Variants in TJP1 observed in about 807,000 individuals in gnomAD.
TJP1 encodes the protein tight junction protein 1, also known as tight junction protein ZO-1.
Under a neutral mutation model 194.2 loss-of-function variants are expected in TJP1, and 43 were observed. The observed-to-expected ratio is 0.22, with a 90% confidence interval of 0.17 to 0.29. The LOEUF (loss-of-function observed/expected upper bound fraction) is 0.29. Ranked by LOEUF, TJP1 falls within the 10% of genes least tolerant of loss-of-function variation. The pLI, the probability that TJP1 is intolerant of heterozygous loss-of-function variation, is 1.00. For missense variants in TJP1, 1,971 were observed against 2,185.7 expected (o/e 0.90, Z 1.96); for synonymous variants, 801 against 779.0 (o/e 1.03, Z -0.47).
At chr15:29,779,418 TC>T (rs2047215522) in intron 2 of TJP1, among the ~76,000 whole-genome samples, 1 of 152,118 alleles carries the variant, frequency 6.6e-6, no homozygotes, top group Non-Finnish European at 1.5e-5. Context: ...TCCAAAAACA[TC>T]CTTAAAATCC....
At chr15:29,808,286 A>G (rs1306965518) in intron 1 of TJP1, among the ~76,000 whole-genome samples, 1 of 151,942 alleles carries the variant, frequency 6.6e-6, no homozygotes, top group African/African-American at 2.4e-5. Context: ...CATAAACAAG[A>G]AACAGGGAAA....
At chr15:29,842,088 G>A (rs764015497) in intron 2 of TJP1, among the ~76,000 whole-genome samples, 1 of 152,132 alleles carries the variant, frequency 6.6e-6, no homozygotes, top group East Asian at 1.9e-4. Context: ...TCCAGATACA[G>A]TAAGTCCTCA....
intron 4 of TJP1, 139 bp downstream of exon 4, chr15:29,771,925 A>G: frequency 1.8e-6 from 1 of 566,810 alleles, no homozygotes; most frequent in Non-Finnish European, 3.0e-6. Flanking sequence ...GTGTTAGAAG[A>G]AACACTCAAG....
chr15:29,772,173 G>C lies in TJP1; in HGVS notation c.210-7C>G. ...TGCAACTCGGTCATTTTCCCTAAGG[G>C]GAAAAGGGCACAAAATAATATGTTA... is the stretch of plus-strand genomic sequence containing the variant. On this transcript the variant is annotated splice_polypyrimidine_tract_variant and splice_region_variant and intron_variant, in intron 3 of 27. Transcript: ENST00000614355. 1 of 1,550,810 alleles carries C rather than the reference G, an allele frequency of 6.4e-7. No homozygotes were observed.
intron 2 of TJP1, among the ~76,000 whole-genome samples, chr15:29,833,857 G>GTATATATA (rs71416436): frequency 0.024 from 593 of 25,212 alleles, 43 homozygotes; most frequent in Non-Finnish European, 0.026. Context: ...ATTTTTGTAA[G>GTATATATA]TATATATATA....
At chr15:29,936,575 C>A (rs2054889220) in intron 2 of TJP1, among the ~76,000 whole-genome samples, 1 of 152,190 alleles carries the variant, frequency 6.6e-6, no homozygotes, top group Non-Finnish European at 1.5e-5. Flanking sequence ...GATTGCTCAA[C>A]TCTTGGCTTG....
chr15:29,707,692 G>A (rs2041984537), intron 25 of TJP1, among the ~76,000 whole-genome samples: 1 of 152,222 alleles, frequency 6.6e-6, no homozygotes, highest in Admixed American at 6.5e-5. Flanking sequence ...GAGCTGCAGG[G>A]AGGCTCCAGG....
chr15:29,809,456 G>A (rs559074411), intron 1 of TJP1, among the ~76,000 whole-genome samples: 1 of 152,162 alleles, frequency 6.6e-6, no homozygotes, highest in South Asian at 2.1e-4. Flanking sequence ...GAAAGAGAGA[G>A]ACAGAAATGG....
At chr15:29,808,026 T>C (rs1190917052) in intron 1 of TJP1, among the ~76,000 whole-genome samples, 1 of 152,022 alleles carries the variant, frequency 6.6e-6, no homozygotes. Flanking sequence ...CCAGCACTTT[T>C]GGAGGCTGAG....
chr15:29,759,944 G>C (rs377524188), intron 8 of TJP1: 2 of 422,128 alleles, frequency 4.7e-6, no homozygotes, highest in East Asian at 7.4e-5. Context: ...ATATCTCTTC[G>C]AGACAGTGAT....
chr15:29,826,162 G>T, upstream of TJP1, among the ~76,000 whole-genome samples: 2 of 121,060 alleles, frequency 1.7e-5, no homozygotes, highest in African/African-American at 2.9e-5. Context: ...TTAAAAAGAA[G>T]ACATAAACAC....
chr15:29,957,828 C>G (rs1298743189), intron 1 of TJP1, among the ~76,000 whole-genome samples: 3 of 152,098 alleles, frequency 2.0e-5, no homozygotes, highest in African/African-American at 7.2e-5. Flanking sequence ...ATAGGTAATA[C>G]CTTTCCAAAA....
At position 29,764,821 on chromosome 15, in the gene TJP1, C is replaced by T. The variant is rs369490800; in HGVS notation, c.589+1445G>A. On this transcript the variant is annotated intron_variant, in intron 5 of 27. Transcript: ENST00000614355. ...TACAGGAACATCTAAGTGAATATGC[C>T]TAACAGTTGGAACACAAGAGTGTAA... 7.9e-5 allele frequency among the ~76,000 whole-genome samples: 12 copies of T among 152,194 alleles called. No homozygotes were observed. The East Asian group carries it at 9.7e-4, about 12-fold the overall frequency.
chr15:29,729,660 A>C (rs2043480791), intron 15 of TJP1: 1 of 152,112 alleles, frequency 6.6e-6, no homozygotes, highest in Non-Finnish European at 1.5e-5. Context: ...TCTACTAAAA[A>C]AACAAAAAAA....
chr15:29,794,478 T>G (rs1251143949), intron 2 of TJP1, among the ~76,000 whole-genome samples: 1 of 152,192 alleles, frequency 6.6e-6, no homozygotes, highest in East Asian at 1.9e-4. Flanking sequence ...ATAACAGACT[T>G]GCCTGAGCCA....
At chr15:29,916,378 T>C (rs745593900) in intron 2 of TJP1, among the ~76,000 whole-genome samples, 1 of 152,058 alleles carries the variant, frequency 6.6e-6, no homozygotes, top group Non-Finnish European at 1.5e-5. Flanking sequence ...ACTTGATCTT[T>C]ACACACAGGA....
chr15:29,939,214 A>G (rs1234581727), intron 2 of TJP1, among the ~76,000 whole-genome samples: 1 of 152,192 alleles, frequency 6.6e-6, no homozygotes, highest in Non-Finnish European at 1.5e-5. Flanking sequence ...TTTAAATGGC[A>G]TCTTTCCTGC....
At chr15:29,839,678 T>C (rs536517602) in intron 2 of TJP1, among the ~76,000 whole-genome samples, 3 of 152,300 alleles carry the variant, frequency 2.0e-5, no homozygotes, top group South Asian at 2.1e-4. Flanking sequence ...AAAAATATTA[T>C]ACGAAAACCG....
At chr15:29,774,238 AGAG>A (rs1025498763) in intron 2 of TJP1, among the ~76,000 whole-genome samples, 3 of 152,284 alleles carry the variant, frequency 2.0e-5, no homozygotes, top group Non-Finnish European at 2.9e-5. Context: ...AGTCCGCAAC[AGAG>A]GAGACTATTT....
Sources: allele counts gnomAD v4.1 joint callset (sites outside exome capture counted in the v4.1 genomes callset), GRCh38; gene constraint gnomAD v4.1.1; transcripts MANE v1.5; gene names NCBI Gene and HGNC (gene_info 2026-07-23, HGNC 2026-07-21).